TBL1XR1: variants seen among roughly 807,000 people sequenced by gnomAD.
TBL1XR1 encodes TBL1X/Y related 1, also known as F-box-like/WD repeat-containing protein TBL1XR1.
Under a neutral mutation model 66.9 loss-of-function variants are expected in TBL1XR1, and 5 were observed. The ratio of observed to expected loss-of-function variants is 0.07; its 90% CI spans 0.04 to 0.16. The LOEUF is 0.16. TBL1XR1 is among the 10% of genes least tolerant of loss of function. The pLI is 1.00. For synonymous variants in TBL1XR1, 210 were observed against 206.0 expected (o/e 1.02, Z -0.17); for missense variants, 238 against 623.2 (o/e 0.38, Z 6.58).
chr3:177,178,543 T>C (rs1734428160), intron 1 of TBL1XR1, among the ~76,000 whole-genome samples: 2 of 152,120 alleles, frequency 1.3e-5, no homozygotes. Context: ...AATATTAAGT[T>C]CCTAATAAAG....
At chr3:177,104,175 C>G (rs564231539) in intron 1 of TBL1XR1, among the ~76,000 whole-genome samples, 1 of 150,466 alleles carries the variant, frequency 6.6e-6, no homozygotes. Context: ...ATTGACCCTG[C>G]TTAGAAAGAT....
intron 1 of TBL1XR1, among the ~76,000 whole-genome samples, chr3:177,186,124 G>A (rs894873923): frequency 6.6e-6 from 1 of 152,208 alleles, no homozygotes; most frequent in African/African-American, 2.4e-5. Flanking sequence ...GGTCAAAGAT[G>A]TATTCCCATG....
At chr3:177,099,079 CTT>C (rs1560173471) in intron 1 of TBL1XR1, among the ~76,000 whole-genome samples, 1 of 152,056 alleles carries the variant, frequency 6.6e-6, no homozygotes, top group Non-Finnish European at 1.5e-5. Flanking sequence ...AAAAGTTAAA[CTT>C]TGCAGCCAGG....
chr3:177,201,390 G>A (rs1338024630), upstream of TBL1XR1, among the ~76,000 whole-genome samples: 4 of 145,946 alleles, frequency 2.7e-5, no homozygotes, highest in East Asian at 2.0e-4. Flanking sequence ...CAGCCTGGGC[G>A]GGTGACAGAG....
At chr3:177,113,482 TC>T (rs1725911546) in intron 1 of TBL1XR1, among the ~76,000 whole-genome samples, 2 of 152,084 alleles carry the variant, frequency 1.3e-5, no homozygotes, top group Admixed American at 1.3e-4. Flanking sequence ...ACAAATAATA[TC>T]TAAAAGAACT....
chr3:177,111,314 C>T (rs1725534974), intron 1 of TBL1XR1, among the ~76,000 whole-genome samples: 1 of 151,130 alleles, frequency 6.6e-6, no homozygotes, highest in Non-Finnish European at 1.5e-5. Context: ...TCTCTGTTGC[C>T]CAGACTGGAG....
chr3:177,129,171 CT>C (rs1411234213), intron 1 of TBL1XR1, among the ~76,000 whole-genome samples: 8 of 152,100 alleles, frequency 5.3e-5, no homozygotes, highest in Non-Finnish European at 1.2e-4. Flanking sequence ...TTGTATTATA[CT>C]TTTTTTAAAA....
Position 177,134,004 on chromosome 3 carries a change from T to C in TBL1XR1, c.-121-35463A>G, listed in dbSNP as rs1368890292. On this transcript the variant is annotated intron_variant, in intron 1 of 15. Coordinates refer to ENST00000457928, the MANE Select transcript of TBL1XR1 (RefSeq NM_024665.7). ...TTCTGCACAGTCTTGGGGTTTTCAATCACAGTGCCCTTTTCTTCCCCGGGC... is the reference window on the plus strand; with the variant it reads ...TTCTGCACAGTCTTGGGGTTTTCAACCACAGTGCCCTTTTCTTCCCCGGGC... Among the ~76,000 whole-genome samples the C allele has an allele frequency of 5.9e-5, 9 of 152,058 alleles. 1 individual carries two copies. The South Asian group carries it at 1.5e-3, about 25-fold the overall frequency.
At chr3:177,166,068 C>G (rs1294935714) in intron 1 of TBL1XR1, among the ~76,000 whole-genome samples, 1 of 151,936 alleles carries the variant, frequency 6.6e-6, no homozygotes, top group East Asian at 1.9e-4. Flanking sequence ...CCAGCCTGGG[C>G]AACAGAGCCA....
intron 1 of TBL1XR1, among the ~76,000 whole-genome samples, chr3:177,167,399 A>C (rs2108910525): frequency 6.6e-6 from 1 of 152,354 alleles, no homozygotes; most frequent in East Asian, 1.9e-4. Context: ...ATTATAAGGC[A>C]AGATGCAAAT....
At chr3:177,097,172 A>T (rs1292972484) in intron 2 of TBL1XR1, among the ~76,000 whole-genome samples, 1 of 152,232 alleles carries the variant, frequency 6.6e-6, no homozygotes, top group Non-Finnish European at 1.5e-5. Context: ...TCAGACTGAT[A>T]CATCATTTCC....
intron 1 of TBL1XR1, among the ~76,000 whole-genome samples, chr3:177,108,563 T>C (rs1237861635): frequency 6.6e-6 from 1 of 152,170 alleles, no homozygotes; most frequent in African/African-American, 2.4e-5. Flanking sequence ...GGATTTATAA[T>C]CCTATTGAAT....
chr3:177,114,576 C>T (rs866082508), intron 1 of TBL1XR1, among the ~76,000 whole-genome samples: 4 of 151,824 alleles, frequency 2.6e-5, no homozygotes, highest in Admixed American at 6.6e-5. Context: ...GCTGGGATTA[C>T]GGCATGAGCC....
At chr3:177,144,733 A>G (rs900977090) in intron 1 of TBL1XR1, among the ~76,000 whole-genome samples, 1 of 151,936 alleles carries the variant, frequency 6.6e-6, no homozygotes, top group African/African-American at 2.4e-5. Flanking sequence ...AGCCTGGGCG[A>G]CAGAGGGAGA....
chr3:177,187,023 C>T (rs1258505038), intron 1 of TBL1XR1, among the ~76,000 whole-genome samples: 2 of 152,052 alleles, frequency 1.3e-5, no homozygotes, highest in African/African-American at 4.8e-5. Context: ...AAAAATTAGC[C>T]GGGCGTGGTG....
chr3:177,181,775 G>C (rs772591989), intron 1 of TBL1XR1, among the ~76,000 whole-genome samples: 4 of 150,682 alleles, frequency 2.7e-5, no homozygotes, highest in Admixed American at 6.6e-5. Context: ...AAAAAGCCAG[G>C]CAAGAATCAT....
upstream of TBL1XR1, chr3:177,201,796 T>C (rs1449280428): frequency 6.6e-6 from 1 of 152,250 alleles, no homozygotes; most frequent in Non-Finnish European, 1.5e-5. Context: ...TTGCTGATAC[T>C]CTGTGATGTT....
chr3:177,177,925 G>A (rs879363512), intron 1 of TBL1XR1, among the ~76,000 whole-genome samples: 2 of 152,138 alleles, frequency 1.3e-5, no homozygotes, highest in Non-Finnish European at 2.9e-5. Flanking sequence ...AAACTGCAAC[G>A]TGGAGAATAA....
At chr3:177,051,367 T>G in intron 5 of TBL1XR1, 137 bp downstream of exon 5, 8 of 707,564 alleles carry the variant, frequency 1.1e-5, no homozygotes, top group Non-Finnish European at 1.8e-5. Flanking sequence ...ACCTGGGTGA[T>G]GAAATAGTCT....
Sources: gnomAD v4.1 joint callset for allele counts (sites outside exome capture counted in the v4.1 genomes callset) on GRCh38, gnomAD v4.1.1 for gene constraint, MANE v1.5 for transcripts, NCBI Gene and HGNC (gene_info 2026-07-23, HGNC 2026-07-21) for gene names.